The following POU2AF2 variants were observed in gnomAD, a reference collection of about 807,000 sequenced individuals.
POU2AF2 encodes the protein POU domain class 2-associating factor 2.
chr11:111,259,203 A>G, the POU2AF2 span, among the ~76,000 whole-genome samples: 17 of 152,286 alleles, frequency 1.1e-4, no homozygotes, highest in East Asian at 2.5e-3. Context: ...ATTGATATTT[A>G]CAGTTTCCCA....
chr11:111,252,433 G>A, the POU2AF2 span, among the ~76,000 whole-genome samples: 9 of 152,056 alleles, frequency 5.9e-5, no homozygotes, highest in Non-Finnish European at 1.0e-4. Context: ...TGCTGGTCCA[G>A]GGATCACATT....
At chr11:111,251,456 C>G in the POU2AF2 span, among the ~76,000 whole-genome samples, 1 of 152,116 alleles carries the variant, frequency 6.6e-6, no homozygotes, top group African/African-American at 2.4e-5. Context: ...AATGGATATC[C>G]AAGACTGAAG....
At chr11:111,246,404 G>A in the POU2AF2 span, among the ~76,000 whole-genome samples, 3 of 152,078 alleles carry the variant, frequency 2.0e-5, no homozygotes, top group East Asian at 3.8e-4. Context: ...ATCTTTCCCC[G>A]GATGTTCATC....
At chr11:111,265,931 G>A in the POU2AF2 span, among the ~76,000 whole-genome samples, 4 of 151,456 alleles carry the variant, frequency 2.6e-5, no homozygotes, top group Non-Finnish European at 5.9e-5. Flanking sequence ...CTATACCACT[G>A]TCCTCCATTC....
chr11:111,282,597 G>A, the POU2AF2 span, among the ~76,000 whole-genome samples: 14 of 152,334 alleles, frequency 9.2e-5, no homozygotes, highest in East Asian at 3.9e-4. Flanking sequence ...CCTTGGGCTC[G>A]CAGGTTGACT....
At chr11:111,268,542 ATT>A in the POU2AF2 span, among the ~76,000 whole-genome samples, 1 of 90,214 alleles carries the variant, frequency 1.1e-5, no homozygotes, top group African/African-American at 3.7e-5. Flanking sequence ...ATTTTATTTT[ATT>A]TTATTTTGAG....
chr11:111,276,936 T>A, the POU2AF2 span, among the ~76,000 whole-genome samples: 3 of 151,986 alleles, frequency 2.0e-5, no homozygotes, highest in African/African-American at 7.3e-5. Flanking sequence ...AGAAAGAAAG[T>A]CTGGGAAAGG....
the POU2AF2 span, among the ~76,000 whole-genome samples, chr11:111,275,051 A>G: frequency 6.6e-6 from 1 of 152,248 alleles, no homozygotes; most frequent in Non-Finnish European, 1.5e-5. Context: ...TGTTTATGAA[A>G]TTACTATAAG....
chr11:111,268,040 AAAG>A, the POU2AF2 span, among the ~76,000 whole-genome samples: 12 of 152,378 alleles, frequency 7.9e-5, no homozygotes, highest in Non-Finnish European at 1.5e-4. Context: ...GAAAATGCCA[AAAG>A]AAGAAGAAGT....
At chr11:111,256,866 G>C in the POU2AF2 span, among the ~76,000 whole-genome samples, 1 of 152,116 alleles carries the variant, frequency 6.6e-6, no homozygotes, top group African/African-American at 2.4e-5. Context: ...ACCCAACAGA[G>C]ATAACTTAAA....
chr11:111,257,348 T>C, the POU2AF2 span, among the ~76,000 whole-genome samples: 1 of 151,724 alleles, frequency 6.6e-6, no homozygotes, highest in African/African-American at 2.4e-5. Context: ...TTTAATTGCA[T>C]ATTTTATGTT....
At chr11:111,276,453 A>AAAAAAAAAAAAAAT in the POU2AF2 span, among the ~76,000 whole-genome samples, 16 of 37,666 alleles carry the variant, frequency 4.2e-4, 1 homozygote, top group African/African-American at 1.3e-3. Context: ...AAAAAAAAAA[A>AAAAAAAAAAAAAAT]ATATATATAT....
the POU2AF2 span, among the ~76,000 whole-genome samples, chr11:111,276,453 A>AAATATATATATATATATATAT: frequency 2.7e-5 from 1 of 37,690 alleles, no homozygotes; most frequent in Non-Finnish European, 5.0e-5. Flanking sequence ...AAAAAAAAAA[A>AAATATATATATATATATATAT]ATATATATAT....
At chr11:111,276,453 A>AAATTTATATAT in the POU2AF2 span, among the ~76,000 whole-genome samples, 1 of 37,692 alleles carries the variant, frequency 2.7e-5, no homozygotes, top group East Asian at 1.2e-3. Flanking sequence ...AAAAAAAAAA[A>AAATTTATATAT]ATATATATAT....
chr11:111,247,785 TA>T, the POU2AF2 span, among the ~76,000 whole-genome samples: 2 of 150,574 alleles, frequency 1.3e-5, no homozygotes, highest in African/African-American at 4.9e-5. Flanking sequence ...GACTCCATCT[TA>T]AAAAAAAGAT....
chr11:111,283,425 A>C, the POU2AF2 span, among the ~76,000 whole-genome samples: 14,148 of 152,076 alleles, frequency 0.093, 913 homozygotes, highest in Middle Eastern at 0.19. Flanking sequence ...GAAGGAGTCC[A>C]TGAGGCCACA....
At chr11:111,254,028 C>T in the POU2AF2 span, among the ~76,000 whole-genome samples, 1 of 152,182 alleles carries the variant, frequency 6.6e-6, no homozygotes, top group Non-Finnish European at 1.5e-5. Flanking sequence ...AGCACGTTTG[C>T]ATCACAATTA....
the POU2AF2 span, among the ~76,000 whole-genome samples, chr11:111,266,704 T>C: frequency 6.6e-6 from 1 of 152,320 alleles, no homozygotes; most frequent in Non-Finnish European, 1.5e-5. Flanking sequence ...TTACAAATAA[T>C]TTCATTTATC....
the POU2AF2 span, among the ~76,000 whole-genome samples, chr11:111,264,449 T>C: frequency 1.4e-5 from 2 of 146,370 alleles, no homozygotes; most frequent in African/African-American, 2.6e-5. Flanking sequence ...TGAGGCGAGA[T>C]TGCACCACTG....
Sources: gnomAD v4.1 joint callset for allele counts (sites outside exome capture counted in the v4.1 genomes callset) on GRCh38, gnomAD v4.1.1 for gene constraint, MANE v1.5 for transcripts, NCBI Gene and HGNC (gene_info 2026-07-23, HGNC 2026-07-21) for gene names.